Variants in PAX3 observed in about 807,000 individuals in gnomAD.
The protein encoded by PAX3 is paired box 3, also known as paired box protein Pax-3.
A neutral mutation model predicts 51.6 loss-of-function variants in PAX3; 14 were observed. The ratio of observed to expected loss-of-function variants is 0.27; its 90% CI spans 0.18 to 0.42. The LOEUF (loss-of-function observed/expected upper bound fraction) is 0.42. PAX3 is among the 10% of genes least tolerant of loss of function. PAX3 has a pLI of 1.00. For missense variants in PAX3, 540 were observed against 642.8 expected (o/e 0.84, Z 1.73); for synonymous variants, 280 against 253.4 (o/e 1.11, Z -1.00).
chr2:222,283,652 T>C (rs1694724812), intron 4 of PAX3, among the ~76,000 whole-genome samples: 1 of 152,180 alleles, frequency 6.6e-6, no homozygotes, highest in African/African-American at 2.4e-5. Context: ...TCTAAAAGCC[T>C]TCAGGGGGCC....
chr2:222,203,609 A>G (rs1163833953), intron 7 of PAX3, among the ~76,000 whole-genome samples: 2 of 152,152 alleles, frequency 1.3e-5, no homozygotes, highest in Non-Finnish European at 2.9e-5. Flanking sequence ...CGGATCTAGG[A>G]GTTCCAGTAA....
intron 4 of PAX3, among the ~76,000 whole-genome samples, chr2:222,256,122 G>A (rs1693634732): frequency 6.6e-6 from 1 of 151,790 alleles, no homozygotes; most frequent in Non-Finnish European, 1.5e-5. Flanking sequence ...GATGAGCTTT[G>A]TTTTGTACCA....
intron 5 of PAX3, among the ~76,000 whole-genome samples, chr2:222,227,320 A>C (rs1330458124): frequency 6.6e-6 from 1 of 152,206 alleles, no homozygotes; most frequent in African/African-American, 2.4e-5. Context: ...TGGGCCAGAC[A>C]TAGTGGCTTA....
At chr2:222,234,006 A>AG (rs1397148565) in intron 4 of PAX3, among the ~76,000 whole-genome samples, 9 of 152,186 alleles carry the variant, frequency 5.9e-5, no homozygotes, top group African/African-American at 2.2e-4. Context: ...ACTCTGCCCT[A>AG]CAGAAATCTA....
intron 4 of PAX3, among the ~76,000 whole-genome samples, chr2:222,247,664 G>A (rs1352196921): frequency 1.3e-5 from 2 of 151,784 alleles, no homozygotes; most frequent in African/African-American, 4.8e-5. Context: ...TTTTTCTGTG[G>A]ATCTATAGGT....
At position 222,239,150 on chromosome 2, in the gene PAX3, C is replaced by T. The variant is rs1290287680; in HGVS notation, c.587-6867G>A. Among the ~76,000 whole-genome samples the T allele has an allele frequency of 2.0e-5, 3 of 152,280 alleles. No individual in the cohort carries two copies. The East Asian group carries it at 5.8e-4, about 29-fold the overall frequency. ...GGATTTTTGTTGACTTATTTGGAGG[C>T]TTTTGTTGGATCCCAAGAAATGGCC... On this transcript the variant is annotated intron_variant, in intron 4 of 8. Coordinates refer to ENST00000392070, the MANE Select transcript of PAX3 (RefSeq NM_181458.4).
intron 1 of PAX3, 50 bp from the exon 2 acceptor site, chr2:222,297,263 T>C: frequency 1.4e-6 from 2 of 1,393,724 alleles, no homozygotes; most frequent in African/African-American, 1.4e-5. Flanking sequence ...TGGAGGAAAA[T>C]AAAAAGCAAA....
intron 4 of PAX3, among the ~76,000 whole-genome samples, chr2:222,246,559 G>A (rs1039765967): frequency 2.6e-5 from 4 of 152,124 alleles, no homozygotes; most frequent in Admixed American, 6.6e-5. Context: ...TTTTAAATTA[G>A]AGAATTATAT....
At chr2:222,264,059 T>C (rs1693957895) in intron 4 of PAX3, 1 of 152,184 alleles carries the variant, frequency 6.6e-6, no homozygotes, top group Non-Finnish European at 1.5e-5. Context: ...GATGATTGCA[T>C]AAATTAGCAT....
At chr2:222,295,121 T>C (rs1227960696) in intron 3 of PAX3, among the ~76,000 whole-genome samples, 3 of 152,108 alleles carry the variant, frequency 2.0e-5, no homozygotes, top group African/African-American at 7.2e-5. Context: ...ATCGGGGCCG[T>C]TGTGGAAGCC....
chr2:222,261,415 C>A (rs144055952), intron 4 of PAX3, among the ~76,000 whole-genome samples: 12 of 152,158 alleles, frequency 7.9e-5, no homozygotes, highest in African/African-American at 2.7e-4. Context: ...ATCTAAATAC[C>A]TAGCACACAT....
chr2:222,272,606 C>T (rs1314316412), intron 4 of PAX3, among the ~76,000 whole-genome samples: 1 of 152,214 alleles, frequency 6.6e-6, no homozygotes, highest in African/African-American at 2.4e-5. Flanking sequence ...AGAAATCCTT[C>T]CCTTGGAACT....
chr2:222,269,457 C>T (rs1188873837), intron 4 of PAX3, among the ~76,000 whole-genome samples: 3 of 152,186 alleles, frequency 2.0e-5, no homozygotes, highest in African/African-American at 7.2e-5. Flanking sequence ...CAGATAAGCA[C>T]GTTTTTATGC....
At chr2:222,253,007 A>T (rs1343750909) in intron 4 of PAX3, among the ~76,000 whole-genome samples, 4 of 151,922 alleles carry the variant, frequency 2.6e-5, no homozygotes, top group Admixed American at 2.6e-4. Flanking sequence ...TTGTCACCTC[A>T]CTCCCCAATC....
intron 5 of PAX3, among the ~76,000 whole-genome samples, chr2:222,231,756 A>G (rs950144278): frequency 1.3e-5 from 2 of 152,212 alleles, no homozygotes; most frequent in African/African-American, 4.8e-5. Flanking sequence ...GAAGCACTTA[A>G]AATAGTGGCT....
intron 4 of PAX3, chr2:222,233,114 A>C (rs1164614512): frequency 7.3e-6 from 1 of 137,634 alleles, no homozygotes; most frequent in African/African-American, 2.7e-5. Context: ...AAAAAGTATG[A>C]TCCCTTTTGT....
intron 7 of PAX3, among the ~76,000 whole-genome samples, chr2:222,207,456 C>A (rs1574627328): frequency 6.6e-6 from 1 of 152,224 alleles, no homozygotes; most frequent in African/African-American, 2.4e-5. Context: ...TTTACCTAAC[C>A]AGATAGAAAA....
rs780261739 is a variant in PAX3 at position 222,233,228 on chromosome 2, C to CCTG, written c.587-948_587-946dup. Among the ~76,000 whole-genome samples the CCTG allele has an allele frequency of 3.3e-5, 5 of 152,198 alleles. No individual in the cohort carries two copies. The Middle Eastern group carries it at 0.01, about 311-fold the overall frequency. ...AGCAACTGCATAAGACAAAAATGTC[C>CCTG]CTGAAGCCACTGTGTGGTGGCCTAA... is the stretch of plus-strand genomic sequence containing the variant. On this transcript the variant is annotated intron_variant, in intron 4 of 8. Coordinates refer to ENST00000392070, the MANE Select transcript of PAX3 (RefSeq NM_181458.4).
At chr2:222,260,565 G>GTTTTTTTTTTTGTTTTTTTTTTTTT (rs1693810480) in intron 4 of PAX3, among the ~76,000 whole-genome samples, 1 of 55,848 alleles carries the variant, frequency 1.8e-5, no homozygotes, top group Non-Finnish European at 3.6e-5. Flanking sequence ...TTTTTTTTTT[G>GTTTTTTTTTTTGTTTTTTTTTTTTT]TTTTTTTTTT....
Sources: allele counts gnomAD v4.1 joint callset (sites outside exome capture counted in the v4.1 genomes callset), GRCh38; gene constraint gnomAD v4.1.1; transcripts MANE v1.5; gene names NCBI Gene and HGNC (gene_info 2026-07-23, HGNC 2026-07-21).